The following SLC25A28 variants were observed in gnomAD, a reference collection of about 807,000 sequenced individuals.
SLC25A28 encodes the protein mitoferrin-2.
In SLC25A28, 10 loss-of-function variants were observed where a neutral mutation model predicts 31.9. The ratio of observed to expected loss-of-function variants is 0.31; its 90% confidence interval spans 0.19 to 0.53. The LOEUF (loss-of-function observed/expected upper bound fraction) is 0.53. Ranked by LOEUF, SLC25A28 falls within the 20% of genes least tolerant of loss-of-function variation. The pLI is 0.95. For missense variants in SLC25A28, 256 were observed against 490.3 expected, an observed-to-expected ratio of 0.52 and a Z score of 4.51; for synonymous variants, 208 against 203.6, an observed-to-expected ratio of 1.02 and a Z score of -0.19.
intron 1 of SLC25A28, among the ~76,000 whole-genome samples, chr10:99,615,279 A>G (rs2034620735): frequency 6.8e-6 from 1 of 147,084 alleles, no homozygotes; most frequent in African/African-American, 2.5e-5. Flanking sequence ...TGAACCTGTG[A>G]GGCGGAGGTT....
At chr10:99,645,553 TCTCAA>T in the SLC25A28 span, among the ~76,000 whole-genome samples, 2 of 152,228 alleles carry the variant, frequency 1.3e-5, no homozygotes, top group Non-Finnish European at 2.9e-5. Flanking sequence ...AGCCTTCTTC[TCTCAA>T]CTCGTCAAAG....
the SLC25A28 span, among the ~76,000 whole-genome samples, chr10:99,636,647 A>C: frequency 6.6e-6 from 1 of 152,222 alleles, no homozygotes; most frequent in African/African-American, 2.4e-5. Flanking sequence ...AGATCATTCA[A>C]GGCTACTATG....
chr10:99,620,270 G>C lies in SLC25A28; in HGVS notation c.66C>G (p.Ser22Arg). Residue 22 changes from serine (S) to arginine (R), a missense_variant, in exon 1 of 4, where the codon AGC becomes AGG. Coordinates refer to ENST00000370495, the MANE Select transcript of SLC25A28 (RefSeq NM_031212.4). ...CGTCCAGCAGCGCCGACTCCCCGGGGCTCCGCCCGGGCCCTGCCGCCGGCC... is the reference window on the plus strand; with the variant it reads ...CGTCCAGCAGCGCCGACTCCCCGGGCCTCCGCCCGGGCCCTGCCGCCGGCC... ...AGGPAAGPGR[S>R]PGESALLDGW... The C allele has an allele frequency of 8.1e-7, 1 of 1,228,974 alleles. No homozygotes were observed. Among genetic ancestry groups the C allele is most frequent in the Non-Finnish European group, 1.0e-6 (1 of 985,162 alleles). The allele number at this position is 1,228,974 out of a possible 1,614,324, so 76.1% of individuals were successfully genotyped here.
chr10:99,633,471 G>A, the SLC25A28 span, among the ~76,000 whole-genome samples: 1 of 152,102 alleles, frequency 6.6e-6, no homozygotes, highest in Non-Finnish European at 1.5e-5. Context: ...TGAGGCAGGT[G>A]GATCACCTGA....
chr10:99,645,623 G>A, the SLC25A28 span, among the ~76,000 whole-genome samples: 3 of 152,236 alleles, frequency 2.0e-5, no homozygotes, highest in African/African-American at 7.2e-5. Flanking sequence ...TTCCTTTGGA[G>A]GAGAAGAGGT....
the SLC25A28 span, among the ~76,000 whole-genome samples, chr10:99,632,164 G>C: frequency 1.6e-4 from 24 of 152,048 alleles, no homozygotes; most frequent in African/African-American, 5.5e-4. Flanking sequence ...CCAAAGTGCT[G>C]GGATTACAGG....
chr10:99,621,736 A>T (rs1407666521), upstream of SLC25A28: 1 of 152,206 alleles, frequency 6.6e-6, no homozygotes, highest in Admixed American at 6.5e-5. Context: ...GCAACTGTGG[A>T]CTTCTCCATC....
upstream of SLC25A28, chr10:99,620,442 G>A (rs1190111294): frequency 6.4e-5 from 67 of 1,046,002 alleles, no homozygotes; most frequent in South Asian, 2.2e-4. Flanking sequence ...GAGAGCCCGG[G>A]GCCTCCGGCT....
the SLC25A28 span, among the ~76,000 whole-genome samples, chr10:99,649,792 G>A: frequency 6.6e-6 from 1 of 152,072 alleles, no homozygotes; most frequent in African/African-American, 2.4e-5. Flanking sequence ...TATTTCTGTG[G>A]TATCATTTTA....
chr10:99,649,471 G>A, the SLC25A28 span, among the ~76,000 whole-genome samples: 1 of 152,168 alleles, frequency 6.6e-6, no homozygotes, highest in Non-Finnish European at 1.5e-5. Context: ...CTTGTAGAAT[G>A]AGTTAAGGAG....
At chr10:99,649,427 C>G in the SLC25A28 span, among the ~76,000 whole-genome samples, 2 of 152,068 alleles carry the variant, frequency 1.3e-5, no homozygotes, top group African/African-American at 4.8e-5. Context: ...TTTGTCATGT[C>G]CTTGTCTTGC....
Position 99,620,274 on chromosome 10 carries a change from C to A in SLC25A28, c.62G>T (p.Arg21Leu). ...CAGCAGCGCCGACTCCCCGGGGCTC[C>A]GCCCGGGCCCTGCCGCCGGCCCCCC... Reference protein sequence around the residue: ...VAGGPAAGPGRSPGESALLDG... With the variant: ...VAGGPAAGPGLSPGESALLDG... The change falls in exon 1 of 4, where the codon CGG becomes CTG. Residue 21 changes from arginine (R) to leucine (L), a missense_variant. Arg to Leu is a moderately radical substitution (Grantham distance 102). Transcript: ENST00000370495. 1 of 1,210,326 alleles carries A rather than the reference C, an allele frequency of 8.3e-7. No individual in the cohort carries two copies. Among genetic ancestry groups the A allele is most frequent in the East Asian group, 3.4e-5 (1 of 29,216 alleles). The allele number at this position is 1,210,326 out of a possible 1,614,324, so 75.0% of individuals were successfully genotyped here.
upstream of SLC25A28, chr10:99,621,062 T>C (rs1422579577): frequency 2.3e-6 from 2 of 876,844 alleles, no homozygotes; most frequent in East Asian, 1.2e-4. Context: ...GGGGCCGGCC[T>C]GGGCCGGTCA....
chr10:99,622,823 GC>G, upstream of SLC25A28: 1 of 398,882 alleles, frequency 2.5e-6, no homozygotes, highest in South Asian at 1.0e-4. Context: ...TTCCCTTATT[GC>G]ATACTTTTAA....
upstream of SLC25A28, chr10:99,622,698 C>CAAG: frequency 1.0e-6 from 1 of 985,470 alleles, no homozygotes; most frequent in Non-Finnish European, 1.2e-6. Flanking sequence ...GCTTACACTT[C>CAAG]TCTAGCCATT....
rs577755377 is a variant in SLC25A28, at chr10:99,612,474, T to C, written c.577+69A>G. The C allele has an allele frequency of 3.2e-6, 5 of 1,566,134 alleles. No individual in the cohort carries two copies. In the East Asian group the frequency reaches 1.1e-4, roughly 35 times the overall value. On this transcript the variant is annotated intron_variant, in intron 3 of 3. Coordinates refer to ENST00000370495, the MANE Select transcript of SLC25A28 (RefSeq NM_031212.4). ...GAATTTCCCACCAAAACTGATGTGC[T>C]TTCTTCTGCAAACTGTAAAGAAATA...
intron 1 of SLC25A28, chr10:99,619,482 C>T (rs1035715856): frequency 1.1e-6 from 1 of 919,060 alleles, no homozygotes; most frequent in Non-Finnish European, 1.3e-6. Context: ...CACATTACTT[C>T]CAGTCTGGAA....
the SLC25A28 span, among the ~76,000 whole-genome samples, chr10:99,639,075 G>GAT: frequency 5.3e-5 from 8 of 151,236 alleles, no homozygotes; most frequent in East Asian, 3.9e-4. Flanking sequence ...AAGAAACTGT[G>GAT]ATATATATAT....
the SLC25A28 span, among the ~76,000 whole-genome samples, chr10:99,636,430 A>T: frequency 6.6e-6 from 1 of 152,208 alleles, no homozygotes; most frequent in Non-Finnish European, 1.5e-5. Flanking sequence ...GACAACAATG[A>T]CACAACCTAT....
Sources: gnomAD v4.1 joint callset for allele counts (sites outside exome capture counted in the v4.1 genomes callset) on GRCh38, gnomAD v4.1.1 for gene constraint, MANE v1.5 for transcripts, NCBI Gene and HGNC (gene_info 2026-07-23, HGNC 2026-07-21) for gene names.